The following CPXM2 variants were observed in gnomAD, a reference collection of about 807,000 sequenced individuals.
The protein encoded by CPXM2 is inactive carboxypeptidase-like protein X2.
Under a neutral mutation model 86.1 loss-of-function variants are expected in CPXM2, and 66 were observed. The observed-to-expected ratio is 0.77, with a 90% CI of 0.63 to 0.94. The LOEUF (loss-of-function observed/expected upper bound fraction) is 0.94, where lower values mean the gene tolerates loss of function less well. Among genes scored for constraint, CPXM2 ranks in the 40% least tolerant of loss-of-function variants. The pLI, the probability that CPXM2 is intolerant of heterozygous loss-of-function variation, is 0.00. For missense variants in CPXM2, 948 were observed against 1,026.3 expected (o/e 0.92, Z 1.04); for synonymous variants, 388 against 400.2 (o/e 0.97, Z 0.36).
At chr10:123,915,378 C>T (rs1472366313) in intron 2 of CPXM2, among the ~76,000 whole-genome samples, 4 of 151,984 alleles carry the variant, frequency 2.6e-5, no homozygotes, top group Non-Finnish European at 5.9e-5. Flanking sequence ...GCCAACATGG[C>T]GAAACCCTAT....
chr10:123,812,620 G>A (rs569420194), intron 4 of CPXM2, among the ~76,000 whole-genome samples: 135 of 152,202 alleles, frequency 8.9e-4, no homozygotes, highest in African/African-American at 3.1e-3. Flanking sequence ...TTAGGAACTG[G>A]GCCACACAGC....
intron 3 of CPXM2, among the ~76,000 whole-genome samples, chr10:123,861,389 G>A (rs1848845898): frequency 6.6e-6 from 1 of 152,242 alleles, no homozygotes; most frequent in Non-Finnish European, 1.5e-5. Flanking sequence ...GAACAGATCA[G>A]CAGGAGGTGG....
chr10:123,810,391 C>T (rs1221701844), intron 4 of CPXM2, among the ~76,000 whole-genome samples: 1 of 151,742 alleles, frequency 6.6e-6, no homozygotes. Context: ...AAATAAAAAC[C>T]TTTATGTAAT....
intron 4 of CPXM2, among the ~76,000 whole-genome samples, chr10:123,834,576 G>T (rs1241068922): frequency 6.6e-6 from 1 of 152,200 alleles, no homozygotes. Context: ...TGGTGTGTTT[G>T]TGGAACAAAA....
intron 4 of CPXM2, among the ~76,000 whole-genome samples, chr10:123,819,434 C>G (rs898127627): frequency 5.9e-5 from 9 of 152,206 alleles, no homozygotes; most frequent in African/African-American, 2.2e-4. Context: ...AGAAGGTAGT[C>G]ATTAATACCA....
At position 123,798,062 on chromosome 10, in the gene CPXM2, G is replaced by A; in HGVS notation, c.803C>T (p.Ala268Val). Residue 268 changes from alanine to valine, a missense_variant, in exon 6 of 14, where the codon GCC becomes GTC. Physicochemically the swap from Ala to Val is moderately conservative, Grantham distance 64 (BLOSUM62 0). Coordinates refer to ENST00000241305, the MANE Select transcript of CPXM2 (RefSeq NM_198148.3). ...CTGAGGGTTTATGCGGATGTAGCGG[G>A]CCACCATGGGGACGGGTAGCTCATT... ...VLNELPVPMV[A>V]RYIRINPQSW... The A allele has an allele frequency of 3.7e-6, 6 of 1,611,912 alleles. No homozygotes were observed. The highest frequency in any genetic ancestry group is 5.1e-6 in the Non-Finnish European group (6 of 1,178,970).
chr10:123,851,606 A>G (rs567478696), intron 3 of CPXM2, among the ~76,000 whole-genome samples: 12 of 152,204 alleles, frequency 7.9e-5, no homozygotes, highest in African/African-American at 2.4e-4. Flanking sequence ...CAGCTCTACT[A>G]AAAATACAAA....
In CPXM2 at chr10:123,784,423, C is replaced by T. The variant is rs571105215; in HGVS notation, c.890-4168G>A. On this transcript the variant is annotated intron_variant, in intron 6 of 13. Transcript: ENST00000241305. ...GTTTGGGGCACCTGGTTATACCAGC[C>T]CTAGGAAGCTACCACCTGCCCTAAA... 2.6e-5 allele frequency among the ~76,000 whole-genome samples: 4 copies of T among 152,246 alleles called. No individual in the cohort carries two copies. In the East Asian group the frequency reaches 7.7e-4, roughly 29 times the overall value.
chr10:123,864,355 C>T (rs1590080113), intron 2 of CPXM2, among the ~76,000 whole-genome samples: 2 of 152,070 alleles, frequency 1.3e-5, no homozygotes, highest in Admixed American at 6.6e-5. Context: ...TATTTATCTT[C>T]ACTCTGCCAG....
In CPXM2 at chr10:123,746,696, C is replaced by T; in HGVS notation, c.*68G>A. ...GAGGAAACAACAGTGAGTGAGTCCACTATGGAGCTACTACCAGGTTGGTTT... is the reference window on the plus strand; with the variant it reads ...GAGGAAACAACAGTGAGTGAGTCCATTATGGAGCTACTACCAGGTTGGTTT... On this transcript the variant is annotated 3_prime_UTR_variant, in exon 14 of 14. Coordinates refer to ENST00000241305, the MANE Select transcript of CPXM2 (RefSeq NM_198148.3). 6.9e-7 allele frequency: 1 copy of T among 1,450,684 alleles called. No homozygotes were observed. Among genetic ancestry groups the T allele is most frequent in the Middle Eastern group, 2.3e-4 (1 of 4,324 alleles). 89.9% of individuals were successfully genotyped at this position (1,450,684 alleles called of 1,614,324 possible). A position where few individuals can be genotyped will look rare whatever the true frequency, so the allele number is the denominator to read the frequency against.
intron 11 of CPXM2, among the ~76,000 whole-genome samples, chr10:123,761,653 C>A (rs1457836161): frequency 1.3e-5 from 2 of 152,156 alleles, no homozygotes; most frequent in Admixed American, 6.5e-5. Flanking sequence ...TCTCCAGCCC[C>A]AGTTACCTCC....
intron 3 of CPXM2, among the ~76,000 whole-genome samples, chr10:123,854,386 A>ATATATATAT (rs1848670147): frequency 1.7e-5 from 2 of 117,568 alleles, no homozygotes; most frequent in African/African-American, 7.2e-5. Flanking sequence ...TATATATATA[A>ATATATATAT]TATATATATT....
chr10:123,824,274 T>A lies in CPXM2; in HGVS notation c.653+18075A>T, dbSNP rs567691750. The stretch of plus-strand genomic sequence containing the variant: ...CAATTGACCACTCTGCTGGCTGTGC[T>A]AATGTTATTTTTCAGATGGACTTTA... On this transcript the variant is annotated intron_variant, in intron 4 of 13. Transcript: ENST00000241305. 6.6e-5 allele frequency among the ~76,000 whole-genome samples: 10 copies of A among 152,358 alleles called. No homozygotes were observed. The South Asian group carries it at 2.1e-3, about 32-fold the overall frequency.
chr10:123,827,256 C>A (rs1026762285), intron 4 of CPXM2, among the ~76,000 whole-genome samples: 3 of 152,140 alleles, frequency 2.0e-5, no homozygotes, highest in Admixed American at 6.5e-5. Context: ...CTTAGACAAT[C>A]TTGGACTAAA....
intron 4 of CPXM2, among the ~76,000 whole-genome samples, chr10:123,827,096 C>G (rs970243136): frequency 1.3e-5 from 2 of 152,124 alleles, no homozygotes; most frequent in African/African-American, 4.8e-5. Flanking sequence ...GGAGCATTCA[C>G]AGAAACTCTC....
At chr10:123,911,844 A>G (rs1945490690) in intron 2 of CPXM2, among the ~76,000 whole-genome samples, 1 of 152,024 alleles carries the variant, frequency 6.6e-6, no homozygotes, top group Non-Finnish European at 1.5e-5. Context: ...GGTGCTCTAC[A>G]TGTTACCAGT....
chr10:123,797,935 A>G, intron 6 of CPXM2, 41 bp downstream of exon 6: 3 of 1,493,896 alleles, frequency 2.0e-6, no homozygotes, highest in Non-Finnish European at 2.7e-6. Context: ...GTTTTCCATC[A>G]GTGCTCCCAC....
intron 2 of CPXM2, among the ~76,000 whole-genome samples, chr10:123,937,404 C>T (rs1320780415): frequency 6.6e-6 from 1 of 151,830 alleles, no homozygotes; most frequent in Non-Finnish European, 1.5e-5. Flanking sequence ...ACCCCCCACC[C>T]CAAATGTCCA....
chr10:123,910,230 G>C (rs1251369615), intron 2 of CPXM2, among the ~76,000 whole-genome samples: 1 of 152,112 alleles, frequency 6.6e-6, no homozygotes, highest in African/African-American at 2.4e-5. Flanking sequence ...TGCCAGACAG[G>C]TGCCTTGCTT....
Sources: gnomAD v4.1 joint callset for allele counts (sites outside exome capture counted in the v4.1 genomes callset) on GRCh38, gnomAD v4.1.1 for gene constraint, MANE v1.5 for transcripts, NCBI Gene and HGNC (gene_info 2026-07-23, HGNC 2026-07-21) for gene names.